PNLIP: variants seen among roughly 807,000 people sequenced by gnomAD.
PNLIP encodes the protein pancreatic lipase.
PNLIP carries 49 observed loss-of-function variants against 57.1 expected under a neutral mutation model. The ratio of observed to expected loss-of-function variants is 0.86; its 90% CI spans 0.68 to 1.09. The LOEUF is 1.09. Ranked by LOEUF, PNLIP falls within the 50% of genes least tolerant of loss-of-function variation. PNLIP has a pLI of 0.00. For missense variants in PNLIP, 503 were observed against 570.2 expected (o/e 0.88, Z 1.20); for synonymous variants, 209 against 200.4 (o/e 1.04, Z -0.36).
chr10:116,560,472 C>A lies in PNLIP; in HGVS notation c.1117C>A (p.Leu373Ile). The A allele has an allele frequency of 1.2e-6, 2 of 1,607,092 alleles. No individual in the cohort carries two copies. The highest frequency in any genetic ancestry group is 8.5e-7 in the Non-Finnish European group (1 of 1,176,004). The change falls in exon 11 of 13, where the codon CTA (leucine) becomes ATA (isoleucine). Residue 373 changes from leucine to isoleucine, a missense_variant. Coordinates refer to ENST00000369221, the MANE Select transcript of PNLIP (RefSeq NM_000936.4). ...LSGKKVTGHI[L>I]VSLFGNKGNS... ...TGGAAAAAAGGTTACAGGACACATA[C>A]TAGTTTCTTTGTTCGGAAATAAAGG... is the stretch of plus-strand genomic sequence containing the variant.
intron 4 of PNLIP, among the ~76,000 whole-genome samples, chr10:116,549,850 A>G (rs935412582): frequency 2.0e-5 from 3 of 152,110 alleles, no homozygotes; most frequent in Admixed American, 6.5e-5. Context: ...TTTGTTCTGC[A>G]TTGATTTGGC....
At chr10:116,562,479 A>T (rs940978253) in intron 12 of PNLIP, among the ~76,000 whole-genome samples, 1 of 152,168 alleles carries the variant, frequency 6.6e-6, no homozygotes, top group Non-Finnish European at 1.5e-5. Flanking sequence ...GATTTCCAGG[A>T]TGTGTCACAG....
Position 116,567,835 on chromosome 10 carries a change from A to G in PNLIP, c.*37A>G. 6.7e-7 allele frequency: 1 copy of G among 1,496,608 alleles called. No individual in the cohort carries two copies. Among genetic ancestry groups the G allele is most frequent in the Non-Finnish European group, 9.3e-7 (1 of 1,072,674 alleles). The allele number at this position is 1,496,608 out of a possible 1,614,324, so 92.7% of individuals were successfully genotyped here. A position where few individuals can be genotyped will look rare whatever the true frequency, so the allele number is the denominator to read the frequency against. ...TATTTGACCAATGAATTGACTTCTA[A>G]TAAAATCTAGTGGTGATGCATTACA... On this transcript the variant is annotated 3_prime_UTR_variant, in exon 13 of 13. Transcript: ENST00000369221.
Position 116,547,311 on chromosome 10 carries a change from G to T in PNLIP, c.64G>T (p.Glu22Ter). The change falls in exon 3 of 13, where the codon GAA becomes TAA. Residue 22 changes from glutamate (E) to a stop codon, truncating the protein, a stop_gained. Coordinates refer to ENST00000369221, the MANE Select transcript of PNLIP (RefSeq NM_000936.4). LOFTEE classifies it high-confidence loss of function. Reference sequence around the variant, plus strand: ...GATTGCAGGAAAAGAAGTTTGCTACGAAAGACTCGGCTGCTTCAGTGATGA... The same window carrying T: ...GATTGCAGGAAAAGAAGTTTGCTACTAAAGACTCGGCTGCTTCAGTGATGA... ...GAVAGKEVCY[E>*]RLGCFSDDSP... 6.2e-7 allele frequency: 1 copy of T among 1,614,078 alleles called. No individual in the cohort carries two copies. Among genetic ancestry groups the T allele is most frequent in the South Asian group, 1.1e-5 (1 of 91,078 alleles).
intron 12 of PNLIP, among the ~76,000 whole-genome samples, chr10:116,565,116 G>T (rs1233048061): frequency 6.6e-6 from 1 of 151,806 alleles, no homozygotes; most frequent in African/African-American, 2.4e-5. Flanking sequence ...CAGGCGTGGT[G>T]GTGGGCTCCT....
chr10:116,559,862 G>A (rs545231607), intron 10 of PNLIP, among the ~76,000 whole-genome samples: 310 of 152,154 alleles, frequency 2.0e-3, no homozygotes, highest in Non-Finnish European at 3.7e-3. Context: ...AATTTGCTCT[G>A]CCTATCTCTA....
chr10:116,558,622 G>T (rs540318186), intron 9 of PNLIP, among the ~76,000 whole-genome samples: 1 of 151,588 alleles, frequency 6.6e-6, no homozygotes, highest in Non-Finnish European at 1.5e-5. Flanking sequence ...TTCTCTCATT[G>T]TATGATTTGT....
intron 5 of PNLIP, among the ~76,000 whole-genome samples, chr10:116,552,879 C>G (rs1428417117): frequency 6.6e-6 from 1 of 151,620 alleles, no homozygotes; most frequent in African/African-American, 2.4e-5. Flanking sequence ...GAGTGAGACT[C>G]CATCTCAAAA....
At chr10:116,554,285 T>C (rs1037492411) in intron 6 of PNLIP, among the ~76,000 whole-genome samples, 1 of 152,222 alleles carries the variant, frequency 6.6e-6, no homozygotes, top group Non-Finnish European at 1.5e-5. Flanking sequence ...TCATAAATAG[T>C]AGAATAAATA....
chr10:116,558,770 G>A (rs183849051), intron 9 of PNLIP, among the ~76,000 whole-genome samples: 4 of 151,754 alleles, frequency 2.6e-5, no homozygotes, highest in Admixed American at 2.0e-4. Flanking sequence ...GATTACAGGC[G>A]CCTGCCACCA....
chr10:116,553,513 C>T (rs998948331), intron 5 of PNLIP, among the ~76,000 whole-genome samples: 6 of 152,214 alleles, frequency 3.9e-5, no homozygotes, highest in Non-Finnish European at 4.4e-5. Context: ...AGAACAGTAA[C>T]ATGCTGTACA....
intron 12 of PNLIP, among the ~76,000 whole-genome samples, chr10:116,565,762 A>G (rs779397636): frequency 1.3e-4 from 20 of 152,104 alleles, no homozygotes; most frequent in Non-Finnish European, 2.5e-4. Context: ...ATATTTACCC[A>G]TGAGGCAAGA....
Position 116,555,252 on chromosome 10 carries a change from G to C in PNLIP, c.646G>C (p.Val216Leu). 6.2e-7 allele frequency: 1 copy of C among 1,614,200 alleles called. No individual in the cohort carries two copies. Among genetic ancestry groups the C allele is most frequent in the Non-Finnish European group, 8.5e-7 (1 of 1,180,040 alleles). ...ATTGGACCCCAGCGATGCCAAATTT[G>C]TGGATGTAATTCACACGGATGGTGC... ...VRLDPSDAKF[V>L]DVIHTDGAPI... The change falls in exon 7 of 13, where the codon GTG (valine) becomes CTG (leucine). Residue 216 changes from valine (V) to leucine (L), a missense_variant. Val to Leu is a conservative substitution (Grantham distance 32). Transcript: ENST00000369221.
chr10:116,555,771 G>A (rs1847246972), intron 8 of PNLIP, among the ~76,000 whole-genome samples: 1 of 152,116 alleles, frequency 6.6e-6, no homozygotes, highest in Non-Finnish European at 1.5e-5. Flanking sequence ...TTCTTCTACA[G>A]TATTTTAAAC....
chr10:116,556,904 C>T (rs137987443), intron 9 of PNLIP, among the ~76,000 whole-genome samples: 3 of 152,244 alleles, frequency 2.0e-5, no homozygotes, highest in Non-Finnish European at 2.9e-5. Flanking sequence ...TTGGTTTCAC[C>T]ATTAAATAGC....
intron 10 of PNLIP, 136 bp from the exon 11 acceptor site, chr10:116,560,276 TACAC>T (rs71301597): frequency 0.11 from 47,869 of 419,938 alleles, 1,467 homozygotes; most frequent in Middle Eastern, 0.14. Context: ...ATTAGAAAAT[TACAC>T]ACACACACAC....
rs1487521731 is a variant in PNLIP at position 116,551,240 on chromosome 10, C to T, written c.459+8C>T. On this transcript the variant is annotated splice_region_variant and intron_variant, in intron 5 of 12. Coordinates refer to ENST00000369221, the MANE Select transcript of PNLIP (RefSeq NM_000936.4). ...TTTGTTGAATTTCTTCAGGTAATTA[C>T]TCCCGGATTGCATAAAAGCCTGTAC... The T allele has an allele frequency of 6.3e-7, 1 of 1,587,240 alleles. No homozygotes were observed. Among genetic ancestry groups the T allele is most frequent in the African/African-American group, 1.4e-5 (1 of 72,966 alleles).
At chr10:116,566,715 C>T (rs1847371134) in intron 12 of PNLIP, among the ~76,000 whole-genome samples, 1 of 152,108 alleles carries the variant, frequency 6.6e-6, no homozygotes. Context: ...TTAACTACTA[C>T]AAAAAAATTC....
chr10:116,564,405 A>T (rs1847344089), intron 12 of PNLIP, among the ~76,000 whole-genome samples: 1 of 152,218 alleles, frequency 6.6e-6, no homozygotes, highest in Admixed American at 6.5e-5. Context: ...ATGGAAAGGA[A>T]AAACTGTTAA....
Sources: allele counts gnomAD v4.1 joint callset (sites outside exome capture counted in the v4.1 genomes callset), GRCh38; gene constraint gnomAD v4.1.1; transcripts MANE v1.5; gene names NCBI Gene and HGNC (gene_info 2026-07-23, HGNC 2026-07-21).